The following CCNY variants were observed in gnomAD, a reference collection of about 807,000 sequenced individuals.
CCNY encodes the protein cyclin Y.
Under a neutral mutation model 42.8 loss-of-function variants are expected in CCNY, and 19 were observed. That is an observed-to-expected ratio of 0.44 (90% CI 0.31 to 0.65). The LOEUF is 0.65. CCNY is among the 30% of genes least tolerant of loss of function. The pLI is 0.07. For synonymous variants in CCNY, 165 were observed against 162.7 expected (o/e 1.01, Z -0.11); for missense variants, 370 against 437.3 (o/e 0.85, Z 1.37).
chr10:35,430,596 G>A (rs116259926), intron 1 of CCNY, among the ~76,000 whole-genome samples: 1,587 of 152,220 alleles, frequency 0.01, 24 homozygotes, highest in African/African-American at 0.036. Flanking sequence ...CAACTGTAGT[G>A]TAGAGTATTA....
chr10:35,389,482 C>T (rs1837367258), intron 1 of CCNY, among the ~76,000 whole-genome samples: 1 of 149,634 alleles, frequency 6.7e-6, no homozygotes, highest in Admixed American at 6.7e-5. Flanking sequence ...GCTCTGTTGC[C>T]AGGCTGGAGT....
chr10:35,338,475 C>T (rs774593153), intron 1 of CCNY, among the ~76,000 whole-genome samples: 4 of 152,140 alleles, frequency 2.6e-5, no homozygotes, highest in Non-Finnish European at 5.9e-5. Flanking sequence ...TAAACATACG[C>T]TTAGATGTCT....
chr10:35,555,939 G>T (rs916421031), intron 8 of CCNY, among the ~76,000 whole-genome samples: 1 of 152,008 alleles, frequency 6.6e-6, no homozygotes, highest in African/African-American at 2.4e-5. Flanking sequence ...TTACTGTATT[G>T]AATGAAGCTG....
intron 1 of CCNY, among the ~76,000 whole-genome samples, chr10:35,454,907 A>G (rs553589748): frequency 6.6e-6 from 1 of 152,348 alleles, no homozygotes; most frequent in East Asian, 1.9e-4. Flanking sequence ...TGCAAATACC[A>G]AATGGAAAGA....
intron 7 of CCNY, among the ~76,000 whole-genome samples, chr10:35,533,092 T>C (rs1204002433): frequency 6.6e-6 from 1 of 152,178 alleles, no homozygotes; most frequent in African/African-American, 2.4e-5. Context: ...GCTTTCTTGC[T>C]TCGGATGGGA....
chr10:35,359,313 A>G (rs1439014980), intron 1 of CCNY, among the ~76,000 whole-genome samples: 1 of 152,130 alleles, frequency 6.6e-6, no homozygotes, highest in Non-Finnish European at 1.5e-5. Flanking sequence ...CTGACATGTA[A>G]ACATGGCTGT....
At chr10:35,465,938 A>AGAGAGAGAGAGAGAGGGTGT in intron 1 of CCNY, among the ~76,000 whole-genome samples, 3 of 80,960 alleles carry the variant, frequency 3.7e-5, no homozygotes, top group African/African-American at 8.8e-5. Flanking sequence ...AGAGAGAGAG[A>AGAGAGAGAGAGAGAGGGTGT]GTGTGTGTGT....
chr10:35,251,360 A>C (rs961944052), intron 3 of CCNY, among the ~76,000 whole-genome samples: 1 of 152,216 alleles, frequency 6.6e-6, no homozygotes, highest in Non-Finnish European at 1.5e-5. Context: ...AAACAAAACT[A>C]TAAAACTAAT....
chr10:35,348,718 ATTC>A (rs1836361581), intron 1 of CCNY, among the ~76,000 whole-genome samples: 4 of 152,154 alleles, frequency 2.6e-5, no homozygotes, highest in Non-Finnish European at 5.9e-5. Flanking sequence ...GGGTGCTTTT[ATTC>A]TTAGCGATGT....
rs190341598 is a variant in CCNY, at chr10:35,344,907, A to C, written c.154+7700A>C. 4.5e-3 allele frequency among the ~76,000 whole-genome samples: 687 copies of C among 152,278 alleles called. 6 individuals carry two copies. The highest frequency in any genetic ancestry group is 0.016 in the African/African-American group (655 of 41,568). On this transcript the variant is annotated intron_variant, in intron 1 of 9. Transcript: ENST00000374704. ...ATGTCCCTACAAAGGACATGAACTC[A>C]TCATTTTTTATGGCTGCATAGTATT... is the stretch of plus-strand genomic sequence containing the variant.
chr10:35,504,411 C>T (rs1840174030), intron 3 of CCNY, among the ~76,000 whole-genome samples: 1 of 152,100 alleles, frequency 6.6e-6, no homozygotes, highest in Non-Finnish European at 1.5e-5. Context: ...GGGCCTTTAA[C>T]TGGCTCAAAA....
chr10:35,347,761 T>A (rs1426947160), intron 1 of CCNY, among the ~76,000 whole-genome samples: 1 of 152,190 alleles, frequency 6.6e-6, no homozygotes, highest in Non-Finnish European at 1.5e-5. Flanking sequence ...GATCTTAGGA[T>A]TTTAATTGAC....
chr10:35,474,314 G>A lies in CCNY; in HGVS notation c.155-9090G>A, dbSNP rs545769379. ...CCCACCACAGCTCAAGGAGGCCTGC[G>A]TGCCTCTGTAGGCTCCACCTCTGGG... is the stretch of plus-strand genomic sequence containing the variant. On this transcript the variant is annotated intron_variant, in intron 1 of 9. Coordinates refer to ENST00000374704, the MANE Select transcript of CCNY (RefSeq NM_145012.6). Among the ~76,000 whole-genome samples, 14 of 152,290 alleles carry A rather than the reference G, an allele frequency of 9.2e-5. No homozygotes were observed. In the South Asian group the frequency reaches 1.2e-3, roughly 14 times the overall value.
intron 1 of CCNY, among the ~76,000 whole-genome samples, chr10:35,403,276 G>A (rs1347296085): frequency 2.6e-5 from 4 of 152,194 alleles, no homozygotes; most frequent in African/African-American, 9.7e-5. Context: ...AACCTACATG[G>A]AAGAGGTTAT....
chr10:35,346,878 C>T (rs376602249), intron 1 of CCNY, among the ~76,000 whole-genome samples: 25 of 152,348 alleles, frequency 1.6e-4, no homozygotes, highest in East Asian at 3.9e-4. Flanking sequence ...CTGCCCGCCT[C>T]GGCCTTCCAA....
At chr10:35,354,564 G>T (rs1836501908) in intron 1 of CCNY, among the ~76,000 whole-genome samples, 1 of 152,182 alleles carries the variant, frequency 6.6e-6, no homozygotes, top group African/African-American at 2.4e-5. Flanking sequence ...ATTAAGTTGA[G>T]GGGACAGTAT....
chr10:35,404,885 C>T (rs1226149135), intron 1 of CCNY, among the ~76,000 whole-genome samples: 1 of 152,112 alleles, frequency 6.6e-6, no homozygotes, highest in African/African-American at 2.4e-5. Context: ...CAGTACAGCC[C>T]AGGTAATTTG....
At chr10:35,428,138 A>C (rs984668778) in intron 1 of CCNY, among the ~76,000 whole-genome samples, 1 of 152,210 alleles carries the variant, frequency 6.6e-6, no homozygotes, top group Non-Finnish European at 1.5e-5. Context: ...ATTGAGTTAA[A>C]ATGTGGAACA....
chr10:35,258,037 A>C (rs921351860), intron 3 of CCNY, among the ~76,000 whole-genome samples: 2 of 151,548 alleles, frequency 1.3e-5, no homozygotes, highest in African/African-American at 4.9e-5. Flanking sequence ...CCTCTAGTGA[A>C]TTTTTCATTT....
Sources: allele counts gnomAD v4.1 joint callset (sites outside exome capture counted in the v4.1 genomes callset), GRCh38; gene constraint gnomAD v4.1.1; transcripts MANE v1.5; gene names NCBI Gene and HGNC (gene_info 2026-07-23, HGNC 2026-07-21).